The following ADGRG5 variants were observed in gnomAD, a reference collection of about 807,000 sequenced individuals.
ADGRG5 encodes adhesion G protein-coupled receptor G5, also known as G protein-coupled receptor 114.
In ADGRG5, 37 loss-of-function variants were observed where a neutral mutation model predicts 53.2. The observed-to-expected ratio is 0.70, with a 90% CI of 0.53 to 0.91. The LOEUF (loss-of-function observed/expected upper bound fraction) is 0.91, where lower values mean the gene tolerates loss of function less well. ADGRG5 is among the 40% of genes least tolerant of loss of function. The probability of loss-of-function intolerance (pLI) is 0.00; values close to 1 mark genes in which losing one functional copy is unlikely to be tolerated. For missense variants in ADGRG5, 614 were observed against 675.8 expected (o/e 0.91, Z 1.01); for synonymous variants, 277 against 290.4 (o/e 0.95, Z 0.47).
chr16:57,555,078 A>G (rs1424446730), intron 1 of ADGRG5, among the ~76,000 whole-genome samples: 1 of 152,094 alleles, frequency 6.6e-6, no homozygotes, highest in East Asian at 1.9e-4. Flanking sequence ...GATTTATTTT[A>G]TGGCCCAGAA....
rs1263277246 is a variant in ADGRG5, at chr16:57,576,470, A to G, written c.*932A>G. The G allele has an allele frequency of 4.6e-5, 7 of 152,178 alleles. No homozygotes were observed. Among genetic ancestry groups the G allele is most frequent in the Non-Finnish European group, 5.9e-5 (4 of 68,040 alleles). 9.4% of individuals were successfully genotyped at this position (152,178 alleles called of 1,614,324 possible). A position where few individuals can be genotyped will look rare whatever the true frequency, so the allele number is the denominator to read the frequency against. On this transcript the variant is annotated 3_prime_UTR_variant, in exon 12 of 12. Transcript: ENST00000349457. ...AGTGTGGGTTTTAAATTCGAAGCTCAGGCCATAGTTTCAGAGAATCACCCT... is the reference window on the plus strand; with the variant it reads ...AGTGTGGGTTTTAAATTCGAAGCTCGGGCCATAGTTTCAGAGAATCACCCT...
At chr16:57,563,300 T>TC in intron 4 of ADGRG5, 53 bp downstream of exon 4, 1 of 1,529,486 alleles carries the variant, frequency 6.5e-7, no homozygotes, top group Non-Finnish European at 9.0e-7. Flanking sequence ...CTAGAAGTCC[T>TC]CCAGGCATTT....
intron 7 of ADGRG5, among the ~76,000 whole-genome samples, 177 bp from the exon 8 acceptor site, chr16:57,567,293 G>C (rs2033159796): frequency 6.6e-6 from 1 of 152,202 alleles, no homozygotes; most frequent in Non-Finnish European, 1.5e-5. Flanking sequence ...AGGGAGATGG[G>C]AGATGTGGAG....
At chr16:57,571,311 A>G (rs2146833971) in intron 10 of ADGRG5, among the ~76,000 whole-genome samples, 1 of 152,120 alleles carries the variant, frequency 6.6e-6, no homozygotes, top group South Asian at 2.1e-4. Context: ...CCTATTTTAC[A>G]GTTAGGGCAC....
chr16:57,559,012 A>AT (rs10564046), intron 1 of ADGRG5, among the ~76,000 whole-genome samples: 2,138 of 139,564 alleles, frequency 0.015, 52 homozygotes, highest in South Asian at 0.085. Flanking sequence ...CATCTGCCTA[A>AT]TTTTTTTTTT....
chr16:57,567,494 G>A lies in ADGRG5; in HGVS notation c.724G>A (p.Ala242Thr), dbSNP rs1217282974. Residue 242 changes from alanine (A) to threonine (T), a missense_variant, in exon 8 of 12, where the codon GCA becomes ACA. By Grantham distance (58) the Ala-to-Thr change is moderately conservative. Transcript: ENST00000349457. ...LMQLSPALVP[A>T]ELLAPLTYIS... ...GCAACTCTCCCCAGCCCTGGTCCCT[G>A]CAGAGTTGCTGGCACCTCTTACGTA... The A allele has an allele frequency of 1.2e-6, 2 of 1,610,164 alleles. No homozygotes were observed. Among genetic ancestry groups the A allele is most frequent in the Non-Finnish European group, 1.7e-6 (2 of 1,179,908 alleles).
chr16:57,547,407 C>T (rs1365327792), intron 1 of ADGRG5, among the ~76,000 whole-genome samples: 1 of 152,180 alleles, frequency 6.6e-6, no homozygotes, highest in Non-Finnish European at 1.5e-5. Context: ...CAGTGATATG[C>T]TGTGCTCTTC....
At chr16:57,537,491 A>G in the ADGRG5 span, among the ~76,000 whole-genome samples, 3,299 of 152,358 alleles carry the variant, frequency 0.022, 107 homozygotes, top group African/African-American at 0.077. Context: ...TGAACCAAGA[A>G]TGAATCAGAT....
At chr16:57,540,998 C>T (rs2032481051), upstream of ADGRG5, among the ~76,000 whole-genome samples, 1 of 152,122 alleles carries the variant, frequency 6.6e-6, no homozygotes, top group East Asian at 1.9e-4. Flanking sequence ...GCCATGTTGC[C>T]CAGGCTGGTC....
In ADGRG5 at chr16:57,576,118, A is replaced by G. The variant is rs2033510181; in HGVS notation, c.*580A>G. Reference sequence around the variant, plus strand: ...TTCCTCCAGGGGAGGGCCAGATGGCATCCTGGCTTGGGGCGGGTGGGACCT... The same window carrying G: ...TTCCTCCAGGGGAGGGCCAGATGGCGTCCTGGCTTGGGGCGGGTGGGACCT... On this transcript the variant is annotated 3_prime_UTR_variant, in exon 12 of 12. Coordinates refer to ENST00000349457, the MANE Select transcript of ADGRG5 (RefSeq NM_001304376.3). The G allele has an allele frequency of 6.5e-6, 1 of 153,340 alleles. No individual in the cohort carries two copies. The highest frequency in any genetic ancestry group is 6.4e-5 in the Admixed American group (1 of 15,544). The allele number at this position is 153,340 out of a possible 1,614,324, so 9.5% of individuals were successfully genotyped here.
At position 57,562,054 on chromosome 16, in the gene ADGRG5, A is replaced by C; in HGVS notation, c.-38-2A>C. The C allele has an allele frequency of 6.7e-7, 1 of 1,498,806 alleles. No homozygotes were observed. Among genetic ancestry groups the C allele is most frequent in the South Asian group, 1.3e-5 (1 of 75,094 alleles). The allele number at this position is 1,498,806 out of a possible 1,614,324, so 92.8% of individuals were successfully genotyped here. ...CATGGTGATGGCATGCACCTTTTTCAGGGCCGGAGCCAGTTCTTGGAGGAG... is the reference window on the plus strand; with the variant it reads ...CATGGTGATGGCATGCACCTTTTTCCGGGCCGGAGCCAGTTCTTGGAGGAG... On this transcript the variant is annotated splice_acceptor_variant, in intron 1 of 11. Coordinates refer to ENST00000349457, the MANE Select transcript of ADGRG5 (RefSeq NM_001304376.3). LOFTEE classifies it low-confidence loss of function (5UTR_SPLICE).
At chr16:57,543,948 G>A (rs1204910560) in intron 1 of ADGRG5, among the ~76,000 whole-genome samples, 1 of 152,210 alleles carries the variant, frequency 6.6e-6, no homozygotes, top group African/African-American at 2.4e-5. Flanking sequence ...CTGAGACACA[G>A]AGAGGTCAGG....
At chr16:57,568,212 A>C in intron 9 of ADGRG5, 88 bp downstream of exon 9, 1 of 1,356,382 alleles carries the variant, frequency 7.4e-7, no homozygotes, top group Non-Finnish European at 1.0e-6. Context: ...CCTCCTCCTC[A>C]TCGTCATAGT....
chr16:57,535,239 G>T, the ADGRG5 span, among the ~76,000 whole-genome samples: 2 of 152,342 alleles, frequency 1.3e-5, no homozygotes, highest in South Asian at 4.1e-4. Context: ...CCTCTGGGGG[G>T]AGCTGGCTGG....
At chr16:57,541,470 C>T (rs942688687), upstream of ADGRG5, among the ~76,000 whole-genome samples, 3 of 152,144 alleles carry the variant, frequency 2.0e-5, no homozygotes, top group Non-Finnish European at 4.4e-5. Context: ...ACAGGTGCAC[C>T]GGTGTCCCTG....
At chr16:57,570,658 G>A (rs972765561) in intron 10 of ADGRG5, 123 bp downstream of exon 10, 7 of 711,770 alleles carry the variant, frequency 9.8e-6, no homozygotes, top group African/African-American at 7.0e-5. Flanking sequence ...GGGAGCTGGG[G>A]CTTAGACAGG....
rs895558623 is a variant in ADGRG5, at chr16:57,545,072, C to T, written c.-39+2371C>T. On this transcript the variant is annotated intron_variant, in intron 1 of 11. Coordinates refer to ENST00000349457, the MANE Select transcript of ADGRG5 (RefSeq NM_001304376.3). ...GGATTAAGGCATGAGCCACCACACC[C>T]GGCTCCCCCAAATCTTGTCCCTTGT... 3.9e-5 allele frequency among the ~76,000 whole-genome samples: 6 copies of T among 152,278 alleles called. No homozygotes were observed. The East Asian group carries it at 5.8e-4, about 15-fold the overall frequency.
At chr16:57,571,189 C>G (rs796148383) in intron 10 of ADGRG5, among the ~76,000 whole-genome samples, 3 of 152,322 alleles carry the variant, frequency 2.0e-5, no homozygotes, top group African/African-American at 4.8e-5. Context: ...GCTGTGGAAC[C>G]TTTTTCCTTC....
At chr16:57,565,228 A>G (rs765224056) in intron 6 of ADGRG5, 78 bp downstream of exon 6, 28 of 781,388 alleles carry the variant, frequency 3.6e-5, no homozygotes, top group Non-Finnish European at 5.6e-5. Flanking sequence ...GTTTGACTAG[A>G]CCCAAACCTG....
Sources: allele counts gnomAD v4.1 joint callset (sites outside exome capture counted in the v4.1 genomes callset), GRCh38; gene constraint gnomAD v4.1.1; transcripts MANE v1.5; gene names NCBI Gene and HGNC (gene_info 2026-07-23, HGNC 2026-07-21).